Variants in PTPRQ observed in about 807,000 individuals in gnomAD.
The protein encoded by PTPRQ is protein tyrosine phosphatase receptor type Q, also known as phosphatidylinositol phosphatase PTPRQ.
Under a neutral mutation model 246.0 loss-of-function variants are expected in PTPRQ, and 199 were observed. The ratio of observed to expected loss-of-function variants is 0.81; its 90% confidence interval spans 0.72 to 0.91. The LOEUF (loss-of-function observed/expected upper bound fraction) is 0.91, where lower values mean the gene tolerates loss of function less well. Among genes scored for constraint, PTPRQ ranks in the 40% least tolerant of loss-of-function variants. The pLI, the probability that PTPRQ is intolerant of heterozygous loss-of-function variation, is 0.00. For missense variants in PTPRQ, 2,624 were observed against 2,528.4 expected (o/e 1.04, Z -0.81); for synonymous variants, 869 against 853.2 (o/e 1.02, Z -0.32).
At chr12:80,542,498 G>T in intron 22 of PTPRQ, 134 bp downstream of exon 22, 1 of 1,356,818 alleles carries the variant, frequency 7.4e-7, no homozygotes, top group Non-Finnish European at 9.6e-7. Flanking sequence ...TATTTACTTT[G>T]TTGATTTTTT....
intron 8 of PTPRQ, among the ~76,000 whole-genome samples, chr12:80,473,468 C>T (rs553435758): frequency 1.3e-5 from 2 of 152,304 alleles, no homozygotes; most frequent in African/African-American, 4.8e-5. Context: ...TGATTTTGGT[C>T]TTAATAGAGT....
intron 26 of PTPRQ, among the ~76,000 whole-genome samples, chr12:80,594,624 T>C (rs895324320): frequency 6.6e-6 from 1 of 152,126 alleles, no homozygotes; most frequent in Non-Finnish European, 1.5e-5. Flanking sequence ...TTTCTGTGTG[T>C]TCCGTGTCTC....
chr12:80,588,753 A>G (rs981761600), intron 26 of PTPRQ, among the ~76,000 whole-genome samples: 1 of 152,146 alleles, frequency 6.6e-6, no homozygotes, highest in Non-Finnish European at 1.5e-5. Context: ...AACCATACTG[A>G]TTATTATCTA....
At chr12:80,522,467 T>A (rs1447755824) in intron 17 of PTPRQ, among the ~76,000 whole-genome samples, 3 of 152,148 alleles carry the variant, frequency 2.0e-5, no homozygotes, top group Admixed American at 2.0e-4. Flanking sequence ...GCTTCCAGTT[T>A]TTGCCCATTC....
At chr12:80,543,023 T>A in intron 23 of PTPRQ, 142 bp downstream of exon 23, 1 of 640,580 alleles carries the variant, frequency 1.6e-6, no homozygotes. Context: ...AATTTAAGGA[T>A]GCTTATGGAA....
At chr12:80,455,801 A>G (rs1043103907) in intron 3 of PTPRQ, among the ~76,000 whole-genome samples, 2 of 151,666 alleles carry the variant, frequency 1.3e-5, no homozygotes, top group African/African-American at 4.9e-5. Context: ...GGGTTTCACT[A>G]TGTTGGTCAG....
chr12:80,498,932 A>G (rs1372249377), intron 14 of PTPRQ, among the ~76,000 whole-genome samples: 2 of 152,040 alleles, frequency 1.3e-5, no homozygotes, highest in East Asian at 3.9e-4. Flanking sequence ...TATTGTCTGT[A>G]TGAGTTTAAT....
intron 6 of PTPRQ, among the ~76,000 whole-genome samples, chr12:80,463,151 C>T (rs923544053): frequency 6.6e-6 from 1 of 152,112 alleles, no homozygotes; most frequent in African/African-American, 2.4e-5. Context: ...ACTAGAATAA[C>T]CAATACAGAG....
intron 35 of PTPRQ, among the ~76,000 whole-genome samples, chr12:80,642,813 G>A (rs915774999): frequency 3.4e-5 from 5 of 148,410 alleles, no homozygotes; most frequent in African/African-American, 7.5e-5. Flanking sequence ...CCAGCTACTC[G>A]GGAGGCTGAG....
intron 25 of PTPRQ, among the ~76,000 whole-genome samples, chr12:80,567,671 A>G (rs995790796): frequency 6.6e-6 from 1 of 152,166 alleles, no homozygotes; most frequent in African/African-American, 2.4e-5. Flanking sequence ...TCACATGAAT[A>G]TACTATTATT....
Position 80,496,292 on chromosome 12 carries a change from C to A in PTPRQ, c.2033C>A (p.Thr678Asn), listed in dbSNP as rs776006118. Residue 678 changes from threonine (T) to asparagine (N), a missense_variant, in exon 14 of 45, where the codon ACC (threonine) becomes AAC (asparagine). Physicochemically the swap from Thr to Asn is moderately conservative, Grantham distance 65. Transcript: ENST00000644991. ...SPQDVEVIDV[T>N]ADEIRLKWSP... ...CAAGATGTCGAAGTAATTGATGTTA[C>A]CGCAGATGAAATAAGGTTGAAGTGG... 1 of 1,550,682 alleles carries A rather than the reference C, an allele frequency of 6.4e-7. No homozygotes were observed. Among genetic ancestry groups the A allele is most frequent in the Non-Finnish European group, 8.7e-7 (1 of 1,146,434 alleles).
intron 38 of PTPRQ, among the ~76,000 whole-genome samples, chr12:80,656,390 G>A (rs1198002242): frequency 6.6e-6 from 1 of 152,098 alleles, no homozygotes; most frequent in African/African-American, 2.4e-5. Context: ...CCAAGGAGCA[G>A]AGAAGCTTAG....
intron 25 of PTPRQ, among the ~76,000 whole-genome samples, chr12:80,578,621 G>A (rs574383529): frequency 6.6e-6 from 1 of 152,008 alleles, no homozygotes; most frequent in East Asian, 2.0e-4. Context: ...TCTGGATCTC[G>A]TGACCTCGTG....
At chr12:80,513,192 T>C (rs1253705169) in intron 17 of PTPRQ, among the ~76,000 whole-genome samples, 4 of 152,100 alleles carry the variant, frequency 2.6e-5, no homozygotes, top group African/African-American at 7.2e-5. Flanking sequence ...GTACCAGAAC[T>C]GGATCACACG....
intron 24 of PTPRQ, among the ~76,000 whole-genome samples, chr12:80,548,801 G>A (rs1245500432): frequency 6.6e-6 from 1 of 152,014 alleles, no homozygotes; most frequent in African/African-American, 2.4e-5. Context: ...AGTCACTTTG[G>A]TGGGCTAGGA....
At chr12:80,489,239 C>T (rs1894371779) in intron 9 of PTPRQ, among the ~76,000 whole-genome samples, 1 of 152,034 alleles carries the variant, frequency 6.6e-6, no homozygotes, top group Admixed American at 6.6e-5. Flanking sequence ...TCTAGACCAA[C>T]ACAGTAGATT....
intron 17 of PTPRQ, among the ~76,000 whole-genome samples, chr12:80,524,600 C>T (rs1895624472): frequency 6.6e-6 from 1 of 152,038 alleles, no homozygotes; most frequent in East Asian, 1.9e-4. Flanking sequence ...CCTGTCATGG[C>T]CAGAAACTCC....
chr12:80,563,587 G>A (rs191771505), intron 25 of PTPRQ, among the ~76,000 whole-genome samples: 1 of 152,298 alleles, frequency 6.6e-6, no homozygotes, highest in Admixed American at 6.5e-5. Flanking sequence ...GGAGGAGTAC[G>A]TCTGTTATTG....
intron 25 of PTPRQ, among the ~76,000 whole-genome samples, chr12:80,565,296 C>T (rs562532043): frequency 6.6e-6 from 1 of 152,248 alleles, no homozygotes; most frequent in South Asian, 2.1e-4. Flanking sequence ...GCTTTAATAT[C>T]TCTCATTAAG....
Sources: allele counts gnomAD v4.1 joint callset (sites outside exome capture counted in the v4.1 genomes callset), GRCh38; gene constraint gnomAD v4.1.1; transcripts MANE v1.5; gene names NCBI Gene and HGNC (gene_info 2026-07-23, HGNC 2026-07-21).